Variants in TRAF3IP2 observed in about 807,000 individuals in gnomAD.
TRAF3IP2 encodes the protein E3 ubiquitin ligase TRAF3IP2.
In TRAF3IP2, 35 loss-of-function variants were observed where a neutral mutation model predicts 57.9. The observed-to-expected ratio is 0.60, with a 90% CI of 0.46 to 0.80. The LOEUF (loss-of-function observed/expected upper bound fraction) is 0.80. TRAF3IP2 is among the 30% of genes least tolerant of loss of function. The pLI, the probability that TRAF3IP2 is intolerant of heterozygous loss-of-function variation, is 0.00. For synonymous variants in TRAF3IP2, 251 were observed against 268.9 expected, an observed-to-expected ratio of 0.93 and a Z score of 0.65; for missense variants, 556 against 706.4, an observed-to-expected ratio of 0.79 and a Z score of 2.41.
At chr6:111,590,069 C>A (rs940608415) in intron 2 of TRAF3IP2, among the ~76,000 whole-genome samples, 4 of 151,998 alleles carry the variant, frequency 2.6e-5, no homozygotes, top group African/African-American at 9.7e-5. Flanking sequence ...GGAGATTTAA[C>A]ATCAAGAATG....
intron 3 of TRAF3IP2, chr6:111,576,657 T>A (rs2128376195): frequency 6.6e-6 from 1 of 152,356 alleles, no homozygotes; most frequent in Non-Finnish European, 1.5e-5. Context: ...TCAACCTTCC[T>A]GACCGCCAGA....
chr6:111,584,401 T>C (rs1796264866), intron 2 of TRAF3IP2, among the ~76,000 whole-genome samples: 1 of 152,228 alleles, frequency 6.6e-6, no homozygotes, highest in Non-Finnish European at 1.5e-5. Context: ...GTCCTTTTAT[T>C]GTTGAAAACA....
chr6:111,582,358 G>T (rs748257770), intron 2 of TRAF3IP2, among the ~76,000 whole-genome samples: 2 of 152,110 alleles, frequency 1.3e-5, no homozygotes, highest in Non-Finnish European at 2.9e-5. Context: ...GCTTAGGCCT[G>T]GTCATGACAA....
intron 1 of TRAF3IP2, among the ~76,000 whole-genome samples, chr6:111,604,617 C>G (rs1186028085): frequency 6.6e-6 from 1 of 152,270 alleles, no homozygotes; most frequent in Non-Finnish European, 1.5e-5. Flanking sequence ...AGACACGTGT[C>G]TCCCAGCCTT....
At chr6:111,595,384 T>A (rs1583243903) in intron 1 of TRAF3IP2, among the ~76,000 whole-genome samples, 1 of 152,300 alleles carries the variant, frequency 6.6e-6, no homozygotes, top group East Asian at 1.9e-4. Flanking sequence ...TTCAAACATG[T>A]CACTATCAAA....
At chr6:111,561,151 C>T (rs529161608) in intron 8 of TRAF3IP2, among the ~76,000 whole-genome samples, 2 of 150,432 alleles carry the variant, frequency 1.3e-5, no homozygotes, top group East Asian at 3.9e-4. Context: ...CACTGCACTC[C>T]AGCCTGGGCA....
At chr6:111,604,820 T>A (rs1332059249) in intron 1 of TRAF3IP2, among the ~76,000 whole-genome samples, 1 of 152,052 alleles carries the variant, frequency 6.6e-6, no homozygotes, top group East Asian at 1.9e-4. Flanking sequence ...GAGGTAAAAT[T>A]AAAATATGTG....
intron 7 of TRAF3IP2, among the ~76,000 whole-genome samples, 158 bp from the exon 8 acceptor site, chr6:111,563,197 C>G (rs1339000481): frequency 1.3e-5 from 2 of 152,186 alleles, no homozygotes; most frequent in African/African-American, 4.8e-5. Context: ...CACATCTATT[C>G]CATTCACTCA....
At position 111,591,738 on chromosome 6, in the gene TRAF3IP2, C is replaced by G; in HGVS notation, c.349G>C (p.Ala117Pro). The change falls in exon 2 of 9, where the codon GCG becomes CCG. Residue 117 changes from alanine (A) to proline (P), a missense_variant. Transcript: ENST00000368761. This position sits in a 1 kb window ranked among gnomAD's most constrained non-coding sequence, Gnocchi z 4.9. ...PSGCSAVSEP[A>P]SESVVGALPA... ...AGGGCTCCAACCACAGACTCAGACG[C>G]AGGCTCGCTGACTGCAGAGCACCCA... The G allele has an allele frequency of 6.2e-7, 1 of 1,614,234 alleles. No individual in the cohort carries two copies. Among genetic ancestry groups the G allele is most frequent in the African/African-American group, 1.3e-5 (1 of 75,064 alleles).
intron 3 of TRAF3IP2, chr6:111,576,478 C>G (rs1015815879): frequency 1.3e-5 from 2 of 152,318 alleles, no homozygotes; most frequent in East Asian, 3.8e-4. Context: ...TCGGTAAGCA[C>G]AGTGATGAGG....
intron 7 of TRAF3IP2, among the ~76,000 whole-genome samples, chr6:111,563,657 T>C (rs1159524366): frequency 6.6e-6 from 1 of 152,194 alleles, no homozygotes; most frequent in Admixed American, 6.5e-5. Flanking sequence ...GAAAAGATTT[T>C]GGTCAAGTAG....
At chr6:111,595,586 T>A (rs542355160) in intron 1 of TRAF3IP2, among the ~76,000 whole-genome samples, 1 of 152,210 alleles carries the variant, frequency 6.6e-6, no homozygotes, top group Non-Finnish European at 1.5e-5. Flanking sequence ...TCCCAGCACT[T>A]TGGGAGGCCA....
chr6:111,562,903 T>A, intron 8 of TRAF3IP2, 62 bp downstream of exon 8: 1 of 1,247,586 alleles, frequency 8.0e-7, no homozygotes. Flanking sequence ...CCATTTAAAA[T>A]CCCAGATGGC....
intron 8 of TRAF3IP2, among the ~76,000 whole-genome samples, chr6:111,562,372 TTC>T (rs1795476629): frequency 6.6e-6 from 1 of 152,150 alleles, no homozygotes; most frequent in Non-Finnish European, 1.5e-5. Flanking sequence ...GACATGAACC[TTC>T]TCTTTTTCTT....
Position 111,591,799 on chromosome 6 carries a change from G to T in TRAF3IP2, c.288C>A (p.Cys96Ter), listed in dbSNP as rs1796529449. ...CTTTGCCCAGGCCTGGGTGTCTCCT[G>T]CAGAAACTGTCTTCACTGTCCTCCA... is the stretch of plus-strand genomic sequence containing the variant. ...QVLEDSEDSF[C>*]RRHPGLGKAF... The change falls in exon 2 of 9, where the codon TGC becomes TGA. Residue 96 changes from cysteine to a stop codon, truncating the protein, a stop_gained. Transcript: ENST00000368761. LOFTEE classifies it high-confidence loss of function. This position sits in a 1 kb window ranked among gnomAD's most constrained non-coding sequence, Gnocchi z 4.9. 1 of 1,614,246 alleles carries T rather than the reference G, an allele frequency of 6.2e-7. No individual in the cohort carries two copies. Among genetic ancestry groups the T allele is most frequent in the Non-Finnish European group, 8.5e-7 (1 of 1,180,054 alleles).
chr6:111,585,841 G>A (rs148618499), intron 2 of TRAF3IP2, among the ~76,000 whole-genome samples: 76 of 152,280 alleles, frequency 5.0e-4, no homozygotes, highest in Admixed American at 1.4e-3. Context: ...ACAAATGGGC[G>A]CCCAGGACTG....
chr6:111,599,697 T>G (rs919183063), intron 1 of TRAF3IP2, among the ~76,000 whole-genome samples: 1 of 152,206 alleles, frequency 6.6e-6, no homozygotes, highest in Admixed American at 6.5e-5. Context: ...GCGCTACCTT[T>G]CTGATCTCAG....
chr6:111,590,170 T>C (rs529533003), intron 2 of TRAF3IP2, among the ~76,000 whole-genome samples: 1 of 152,354 alleles, frequency 6.6e-6, no homozygotes, highest in South Asian at 2.1e-4. Flanking sequence ...ATACATATTA[T>C]TATTTCGGAA....
chr6:111,593,997 G>A (rs893714741), intron 1 of TRAF3IP2, among the ~76,000 whole-genome samples: 11 of 152,020 alleles, frequency 7.2e-5, no homozygotes, highest in African/African-American at 2.4e-4. Flanking sequence ...TGGGCGTGGT[G>A]GCATGTGCCT....
Sources: gnomAD v4.1 joint callset for allele counts (sites outside exome capture counted in the v4.1 genomes callset) on GRCh38, gnomAD v4.1.1 for gene constraint, Gnocchi (gnomAD v3.1) non-coding constraint, MANE v1.5 for transcripts, NCBI Gene and HGNC (gene_info 2026-07-23, HGNC 2026-07-21) for gene names.